The following GSE1 variants were observed in gnomAD, a reference collection of about 807,000 sequenced individuals.
GSE1 encodes the protein genetic suppressor element 1.
Under a neutral mutation model 112.6 loss-of-function variants are expected in GSE1, and 32 were observed. That is an observed-to-expected ratio of 0.28 (90% confidence interval 0.21 to 0.38). The LOEUF (loss-of-function observed/expected upper bound fraction) is 0.38, where lower values mean the gene tolerates loss of function less well. GSE1 is among the 10% of genes least tolerant of loss of function. The pLI, the probability that GSE1 is intolerant of heterozygous loss-of-function variation, is 1.00. For missense variants in GSE1, 2,348 were observed against 1,699.2 expected (o/e 1.38, Z -6.71); for synonymous variants, 1,115 against 735.6 (o/e 1.52, Z -8.35).
In GSE1 at chr16:85,332,632, C is replaced by T. The variant is rs1174980546; in HGVS notation, c.2284-24831C>T. On this transcript the variant is annotated intron_variant, in intron 1 of 2. Coordinates refer to the GSE1 transcript ENST00000637419. ...ACTGCTCTCTGCGGACCCTGCAGGA[C>T]TCTCCTTCTCCCCTGGCTTCCTTTG... 2.0e-5 allele frequency among the ~76,000 whole-genome samples: 3 copies of T among 152,158 alleles called. No homozygotes were observed. The East Asian group carries it at 5.8e-4, about 29-fold the overall frequency.
chr16:85,309,388 G>A (rs2045767435), intron 1 of GSE1, among the ~76,000 whole-genome samples: 1 of 152,030 alleles, frequency 6.6e-6, no homozygotes, highest in Non-Finnish European at 1.5e-5. Context: ...CAGCTCCTCA[G>A]GAGGCTGAGG....
intron 1 of GSE1, among the ~76,000 whole-genome samples, chr16:85,614,290 A>T (rs889525563): frequency 6.6e-6 from 1 of 152,046 alleles, no homozygotes; most frequent in Non-Finnish European, 1.5e-5. Context: ...AGCCGATTCA[A>T]TTATATTGCA....
intron 1 of GSE1, among the ~76,000 whole-genome samples, chr16:85,222,855 G>C (rs2075417591): frequency 6.6e-6 from 1 of 152,170 alleles, no homozygotes; most frequent in South Asian, 2.1e-4. Flanking sequence ...TCCATGCGGA[G>C]CTTCCTTCAT....
At chr16:85,175,030 G>A (rs149823521) in intron 1 of GSE1, among the ~76,000 whole-genome samples, 220 of 144,542 alleles carry the variant, frequency 1.5e-3, no homozygotes, top group African/African-American at 4.8e-3. Context: ...CATGATCTCT[G>A]CTGCTTCCTG....
At chr16:85,294,111 A>C (rs953480624) in intron 1 of GSE1, among the ~76,000 whole-genome samples, 10 of 152,182 alleles carry the variant, frequency 6.6e-5, no homozygotes, top group African/African-American at 2.4e-4. Flanking sequence ...GGCTCCCCGC[A>C]ACAGCCAAGC....
At chr16:85,399,135 C>T (rs62048536) in intron 2 of GSE1, among the ~76,000 whole-genome samples, 22,605 of 152,164 alleles carry the variant, frequency 0.15, 2,034 homozygotes, top group South Asian at 0.28. Flanking sequence ...TGCACATACA[C>T]GTGGCTTGTG....
chr16:85,670,613 A>G (rs1267222289), intron 14 of GSE1: 1 of 155,248 alleles, frequency 6.4e-6, no homozygotes, highest in Non-Finnish European at 1.4e-5. Context: ...TTGGTAGAGC[A>G]GAGGCTTTAT....
chr16:85,196,567 A>T (rs988402077), intron 1 of GSE1, among the ~76,000 whole-genome samples: 5 of 151,722 alleles, frequency 3.3e-5, no homozygotes, highest in African/African-American at 1.2e-4. Flanking sequence ...GAGTTTGGAG[A>T]GTTTTCTGGA....
chr16:85,397,832 C>G (rs1320487611), intron 2 of GSE1, among the ~76,000 whole-genome samples: 3 of 152,162 alleles, frequency 2.0e-5, no homozygotes, highest in Admixed American at 1.3e-4. Context: ...CAGGAGCTTC[C>G]CCTGGGATCC....
At chr16:85,499,755 A>T (rs373741101) in intron 2 of GSE1, among the ~76,000 whole-genome samples, 1 of 152,242 alleles carries the variant, frequency 6.6e-6, no homozygotes, top group Non-Finnish European at 1.5e-5. Context: ...TAAAATTTCA[A>T]CCCACCCTCC....
chr16:85,591,011 C>T (rs899105783), intron 1 of GSE1, among the ~76,000 whole-genome samples: 3 of 152,266 alleles, frequency 2.0e-5, no homozygotes, highest in Middle Eastern at 3.4e-3. Flanking sequence ...GAGCAGGGCA[C>T]AGGGCATTTG....
At chr16:85,363,921 C>T (rs1013664721) in intron 2 of GSE1, among the ~76,000 whole-genome samples, 33 of 152,290 alleles carry the variant, frequency 2.2e-4, no homozygotes, top group Middle Eastern at 3.4e-3. Flanking sequence ...TCTGCCTTGC[C>T]GATCACCATG....
intron 1 of GSE1, among the ~76,000 whole-genome samples, chr16:85,226,513 C>G (rs1040164799): frequency 1.3e-5 from 2 of 152,176 alleles, no homozygotes; most frequent in African/African-American, 4.8e-5. Context: ...AGCCAGATGG[C>G]CTTGGTCGGA....
At chr16:85,435,453 G>A (rs1358977637) in intron 2 of GSE1, among the ~76,000 whole-genome samples, 1 of 152,212 alleles carries the variant, frequency 6.6e-6, no homozygotes, top group African/African-American at 2.4e-5. Context: ...CTCGACTGCA[G>A]CGGAAATTCC....
chr16:85,294,916 G>GT (rs373484774), intron 1 of GSE1, among the ~76,000 whole-genome samples: 19 of 151,384 alleles, frequency 1.3e-4, no homozygotes, highest in Non-Finnish European at 1.9e-4. Flanking sequence ...TTTAGTTTTT[G>GT]TTTTTTTACA....
At chr16:85,407,774 C>G (rs184966829) in intron 2 of GSE1, among the ~76,000 whole-genome samples, 3,134 of 4,782 alleles carry the variant, frequency 0.66, 1,518 homozygotes, top group Middle Eastern at 1. Context: ...GGCCCCCCTG[C>G]ATAATCCTCA....
chr16:85,463,187 G>T (rs1010007033), intron 2 of GSE1: 52 of 858,136 alleles, frequency 6.1e-5, no homozygotes, highest in Non-Finnish European at 6.7e-5. Context: ...GGAACTTTCT[G>T]GGGCGCGCCA....
chr16:85,595,671 C>T (rs2047189133), intron 1 of GSE1: 1 of 151,800 alleles, frequency 6.6e-6, no homozygotes, highest in Non-Finnish European at 1.5e-5. Context: ...TTCTCTCCCT[C>T]CCTCCCTTCC....
At chr16:85,470,567 A>T (rs144465810) in intron 2 of GSE1, among the ~76,000 whole-genome samples, 41 of 152,276 alleles carry the variant, frequency 2.7e-4, no homozygotes, top group African/African-American at 9.4e-4. Context: ...CCTTCACCCG[A>T]TGGGGCCAGA....
Sources: gnomAD v4.1 joint callset for allele counts (sites outside exome capture counted in the v4.1 genomes callset) on GRCh38, gnomAD v4.1.1 for gene constraint, MANE v1.5 for transcripts, NCBI Gene and HGNC (gene_info 2026-07-23, HGNC 2026-07-21) for gene names.